The following NHS variants were observed in gnomAD, a reference collection of about 807,000 sequenced individuals.
NHS encodes actin remodeling regulator NHS.
Under a neutral mutation model 72.5 loss-of-function variants are expected in NHS, and 5 were observed. That is an observed-to-expected ratio of 0.07 (90% confidence interval 0.04 to 0.14). The LOEUF (loss-of-function observed/expected upper bound fraction) is 0.14, where lower values mean the gene tolerates loss of function less well. Ranked by LOEUF, NHS falls within the 10% of genes least tolerant of loss-of-function variation. NHS has a pLI of 1.00. For missense variants in NHS, 1,072 were observed against 1,355.7 expected (o/e 0.79, Z 3.29); for synonymous variants, 464 against 547.7 (o/e 0.85, Z 2.13).
At chrX:17,397,331 T>C (rs150408641) in intron 1 of NHS, among the ~76,000 whole-genome samples, 529 of 112,024 alleles carry the variant, frequency 4.7e-3, no homozygotes, top group African/African-American at 0.016. Flanking sequence ...TGGGGTAAAG[T>C]GATGTGTATT....
At chrX:17,574,582 C>T (rs747762587) in intron 1 of NHS, among the ~76,000 whole-genome samples, 4 of 111,887 alleles carry the variant, frequency 3.6e-5, no homozygotes, top group Admixed American at 9.4e-5. Flanking sequence ...TGAAGTGTAC[C>T]GCTCCTCCAG....
intron 1 of NHS, among the ~76,000 whole-genome samples, chrX:17,432,901 G>A (rs139951665): frequency 0.01 from 1,129 of 112,154 alleles, 7 homozygotes; most frequent in Non-Finnish European, 0.018. Context: ...GGGAGCCAGA[G>A]ACTCAAAATA....
intron 1 of NHS, among the ~76,000 whole-genome samples, chrX:17,685,178 C>T (rs967297621): frequency 1.8e-5 from 2 of 111,451 alleles, no homozygotes; most frequent in African/African-American, 6.5e-5. Context: ...CTAGTGGACA[C>T]GTAATACTAG....
At chrX:17,621,800 G>C (rs2065775235) in intron 1 of NHS, among the ~76,000 whole-genome samples, 1 of 111,986 alleles carries the variant, frequency 8.9e-6, no homozygotes, top group Non-Finnish European at 1.9e-5. Context: ...TGGAGCCTGT[G>C]TGCAAGCCTG....
At chrX:17,638,272 A>G (rs1354739434) in intron 1 of NHS, among the ~76,000 whole-genome samples, 3 of 112,190 alleles carry the variant, frequency 2.7e-5, no homozygotes, top group Non-Finnish European at 5.6e-5. Flanking sequence ...AGAGGGAGCA[A>G]GGCATAGGCT....
intron 1 of NHS, among the ~76,000 whole-genome samples, chrX:17,466,236 T>G (rs1420141055): frequency 8.9e-6 from 1 of 112,719 alleles, no homozygotes; most frequent in Non-Finnish European, 1.9e-5. Flanking sequence ...AGAGATGCCA[T>G]ATGGAAGTGG....
intron 1 of NHS, among the ~76,000 whole-genome samples, chrX:17,383,098 A>G (rs1319442406): frequency 3.6e-5 from 4 of 111,903 alleles, no homozygotes; most frequent in African/African-American, 1.3e-4. Flanking sequence ...TTGATGACAC[A>G]TCCTATCTTT....
chrX:17,629,317 T>G (rs1032867885), intron 1 of NHS, among the ~76,000 whole-genome samples: 2 of 111,919 alleles, frequency 1.8e-5, no homozygotes, highest in African/African-American at 6.5e-5. Flanking sequence ...GCAAAGCATA[T>G]TGTTCTCTTT....
chrX:17,400,218 A>G (rs1462248646), intron 1 of NHS, among the ~76,000 whole-genome samples: 8 of 112,056 alleles, frequency 7.1e-5, no homozygotes, highest in Non-Finnish European at 1.1e-4. Flanking sequence ...GGAAGCTTTT[A>G]GGATACAAGA....
chrX:17,527,909 T>C (rs1183249476), intron 1 of NHS, among the ~76,000 whole-genome samples: 1 of 87 alleles, frequency 0.011, no homozygotes, highest in Non-Finnish European at 0.016. Flanking sequence ...GTTGCACGAC[T>C]ATACCCACTG....
chrX:17,649,601 C>T (rs1377221883), intron 1 of NHS, among the ~76,000 whole-genome samples: 1 of 109,535 alleles, frequency 9.1e-6, no homozygotes, highest in Admixed American at 9.8e-5. Context: ...ATATTCATTG[C>T]CGGTATATGC....
At chrX:17,609,444 C>G (rs1455754787) in intron 1 of NHS, among the ~76,000 whole-genome samples, 1 of 111,603 alleles carries the variant, frequency 9.0e-6, no homozygotes, top group Non-Finnish European at 1.9e-5. Flanking sequence ...TCACAAGTTC[C>G]ATGTGTTTGA....
intron 1 of NHS, among the ~76,000 whole-genome samples, chrX:17,536,091 C>T (rs970502982): frequency 8.9e-6 from 1 of 112,095 alleles, no homozygotes; most frequent in Non-Finnish European, 1.9e-5. Context: ...CGCAGTGGCT[C>T]ACGCCTGTAA....
At chrX:17,485,392 C>A (rs1601727486) in intron 1 of NHS, among the ~76,000 whole-genome samples, 1 of 112,504 alleles carries the variant, frequency 8.9e-6, no homozygotes, top group South Asian at 3.7e-4. Context: ...CAATGGGGTC[C>A]AAATGGAATA....
At chrX:17,398,486 G>T (rs2064487128) in intron 1 of NHS, among the ~76,000 whole-genome samples, 1 of 112,349 alleles carries the variant, frequency 8.9e-6, no homozygotes, top group African/African-American at 3.2e-5. Context: ...GTTAGCTTTT[G>T]CTGTGTAACA....
Position 17,541,924 on chromosome X carries a change from C to T in NHS, c.566-145818C>T, listed in dbSNP as rs906334204. Among the ~76,000 whole-genome samples the T allele has an allele frequency of 9.0e-5, 10 of 111,365 alleles. No homozygotes were observed. In the Admixed American group the frequency reaches 9.5e-4, roughly 11 times the overall value. On this transcript the variant is annotated intron_variant, in intron 1 of 8. Transcript: ENST00000676302. ...AGTTCCCTGTGCGACCTCAGTGGAA[C>T]TTTGCTGGAGACCTTCGCCTTGCTT...
intron 3 of NHS, among the ~76,000 whole-genome samples, chrX:17,716,051 G>C (rs2066362818): frequency 1.8e-5 from 2 of 111,196 alleles, no homozygotes; most frequent in South Asian, 7.7e-4. Context: ...ATATAGTGGA[G>C]AGACCAATTA....
intron 1 of NHS, among the ~76,000 whole-genome samples, chrX:17,671,654 A>G (rs766547316): frequency 8.9e-6 from 1 of 112,178 alleles, no homozygotes; most frequent in African/African-American, 3.2e-5. Context: ...ATCTAGTTTG[A>G]CAGGGAAACA....
rs923662438 is a variant in NHS at position 17,597,122 on chromosome X, T to G, written c.566-90620T>G. On this transcript the variant is annotated intron_variant, in intron 1 of 8. Coordinates refer to ENST00000676302, the MANE Select transcript of NHS (RefSeq NM_001291867.2). The stretch of plus-strand genomic sequence containing the variant: ...AACTTAAGACTATTCTTCCGTTTTT[T>G]TTTTTTTTTTTTTTTGATACGGAGT... 1.9e-4 allele frequency among the ~76,000 whole-genome samples: 15 copies of G among 79,400 alleles called. No homozygotes were observed. In the East Asian group the frequency reaches 4.1e-3, roughly 22 times the overall value. The allele number at this position is 79,400 out of a possible 115,157, so 68.9% of individuals were successfully genotyped here. A position where few individuals can be genotyped will look rare whatever the true frequency, so the allele number is the denominator to read the frequency against.
Sources: gnomAD v4.1 joint callset for allele counts (sites outside exome capture counted in the v4.1 genomes callset) on GRCh38, gnomAD v4.1.1 for gene constraint, MANE v1.5 for transcripts, NCBI Gene and HGNC (gene_info 2026-07-23, HGNC 2026-07-21) for gene names.